The following BCR variants were observed in gnomAD, a reference collection of about 807,000 sequenced individuals.
BCR encodes the protein BCR activator of RhoGEF and GTPase.
Under a neutral mutation model 138.6 loss-of-function variants are expected in BCR, and 58 were observed. The observed-to-expected ratio is 0.42, with a 90% CI of 0.34 to 0.52. The LOEUF (loss-of-function observed/expected upper bound fraction) is 0.52. Ranked by LOEUF, BCR falls within the 20% of genes least tolerant of loss-of-function variation. The probability of loss-of-function intolerance (pLI) is 0.06; values close to 1 mark genes in which losing one functional copy is unlikely to be tolerated. For missense variants in BCR, 1,599 were observed against 1,727.2 expected (o/e 0.93, Z 1.32); for synonymous variants, 786 against 730.1 (o/e 1.08, Z -1.23).
chr22:23,295,186 C>T (rs760051744), intron 16 of BCR, 31 bp downstream of exon 16: 34 of 1,584,236 alleles, frequency 2.1e-5, no homozygotes, highest in Non-Finnish European at 2.8e-5. Context: ...CTCCCCTGCC[C>T]GATGCATGGC....
At chr22:23,310,020 G>C (rs1328525726) in intron 17 of BCR, 1 of 421,306 alleles carries the variant, frequency 2.4e-6, no homozygotes, top group African/African-American at 2.0e-5. Context: ...TGGAACCCAA[G>C]AGTTCGATTA....
chr22:23,268,217 G>A (rs1430410498), intron 4 of BCR, among the ~76,000 whole-genome samples, 191 bp from the exon 5 acceptor site: 3 of 152,162 alleles, frequency 2.0e-5, no homozygotes, highest in Non-Finnish European at 2.9e-5. Flanking sequence ...TTTTGGGAGC[G>A]GGAAGTGTGC....
chr22:23,264,375 C>T lies in BCR; in HGVS notation c.1752+2835C>T, dbSNP rs953948042. 12 of 888,384 alleles carry T rather than the reference C, an allele frequency of 1.4e-5. No individual in the cohort carries two copies. The Admixed American group carries it at 2.1e-4, about 15-fold the overall frequency. The allele number at this position is 888,384 out of a possible 1,614,324, so 55.0% of individuals were successfully genotyped here. A position where few individuals can be genotyped will look rare whatever the true frequency, so the allele number is the denominator to read the frequency against. On this transcript the variant is annotated intron_variant, in intron 4 of 22. Transcript: ENST00000305877. ...AAACCCGTGACCGTCAGGGCCACCC[C>T]TGCCTGTGGGCCAAGGAGACCAGTG... is the stretch of plus-strand genomic sequence containing the variant.
intron 2 of BCR, among the ~76,000 whole-genome samples, chr22:23,256,300 G>A (rs866779694): frequency 6.6e-6 from 1 of 152,134 alleles, no homozygotes; most frequent in Non-Finnish European, 1.5e-5. Flanking sequence ...TCTTTGGGGT[G>A]TCAGTGGACT....
At chr22:23,265,302 G>A (rs577281976) in intron 4 of BCR, among the ~76,000 whole-genome samples, 2 of 152,358 alleles carry the variant, frequency 1.3e-5, no homozygotes, top group South Asian at 4.1e-4. Flanking sequence ...GAGTACTCAC[G>A]TGTGTTCAAC....
rs774025603 is a variant in BCR at position 23,268,359 on chromosome 22, G to T, written c.1753-49G>T. 10 of 1,451,514 alleles carry T rather than the reference G, an allele frequency of 6.9e-6. No homozygotes were observed. The South Asian group carries it at 8.6e-5, about 12-fold the overall frequency. The allele number at this position is 1,451,514 out of a possible 1,614,324, so 89.9% of individuals were successfully genotyped here. ...ACGGGAGCCTGCTCTTCAGAAAGAT[G>T]GGGGAGCAGCAGCACCTGTCCCACT... is the stretch of plus-strand genomic sequence containing the variant. On this transcript the variant is annotated intron_variant, in intron 4 of 22. Transcript: ENST00000305877.
At position 23,191,503 on chromosome 22, in the gene BCR, G is replaced by T. The variant is rs371131035; in HGVS notation, c.1279+9264G>T. On this transcript the variant is annotated intron_variant, in intron 1 of 22. Coordinates refer to ENST00000305877, the MANE Select transcript of BCR (RefSeq NM_004327.4). ...CTAATGTCAAAGCATTTTCCCCTGC[G>T]TATCTTTCTTTAACGGTATATTTGC... Among the ~76,000 whole-genome samples the T allele has an allele frequency of 3.3e-5, 5 of 152,206 alleles. No individual in the cohort carries two copies. In the South Asian group the frequency reaches 1.0e-3, roughly 32 times the overall value.
chr22:23,284,021 G>A lies in BCR; in HGVS notation c.2160G>A (p.Glu720=), dbSNP rs1374025188. Residue 720 remains glutamate (E), a synonymous_variant, in exon 9 of 23, where the codon GAG becomes GAA. Transcript: ENST00000305877. ...LKDSFMVELV[E]GARKLRHVFL... Reference sequence around the variant, plus strand: ...ACAGCTTCATGGTGGAGCTGGTGGAGGGGGCCCGCAAGCTGCGCCACGTCT... The same window carrying A: ...ACAGCTTCATGGTGGAGCTGGTGGAAGGGGCCCGCAAGCTGCGCCACGTCT... The A allele has an allele frequency of 6.2e-7, 1 of 1,604,470 alleles. No homozygotes were observed.
intron 1 of BCR, among the ~76,000 whole-genome samples, chr22:23,237,814 A>G (rs1239374958): frequency 6.6e-6 from 1 of 152,248 alleles, no homozygotes; most frequent in Non-Finnish European, 1.5e-5. Context: ...TGGCCTGAGC[A>G]GATACATGGC....
At position 23,248,858 on chromosome 22, in the gene BCR, G is replaced by A. The variant is rs181919428; in HGVS notation, c.1280-4941G>A. On this transcript the variant is annotated intron_variant, in intron 1 of 22. Transcript: ENST00000305877. ...AGACCATCAACCTCAGTCCTGCCAA[G>A]GGTGAGGCGGCCCAGAGAGGTTTTT... Among the ~76,000 whole-genome samples the A allele has an allele frequency of 1.1e-3, 160 of 152,324 alleles. 1 individual carries two copies. Among genetic ancestry groups the A allele is most frequent in the African/African-American group, 3.5e-3 (144 of 41,570 alleles).
At chr22:23,220,083 G>A (rs1006809543) in intron 1 of BCR, among the ~76,000 whole-genome samples, 1 of 152,210 alleles carries the variant, frequency 6.6e-6, no homozygotes, top group Non-Finnish European at 1.5e-5. Context: ...CCTGCCCTTT[G>A]AGGCTGTGTG....
At chr22:23,215,327 G>A (rs577130231) in intron 1 of BCR, among the ~76,000 whole-genome samples, 29 of 152,306 alleles carry the variant, frequency 1.9e-4, no homozygotes, top group African/African-American at 7.0e-4. Flanking sequence ...TTGCAAACAG[G>A]TCTGTCTTGC....
In BCR at chr22:23,283,645, T is replaced by G. The variant is rs147990992; in HGVS notation, c.2116-332T>G. ...CCCATCACCCATCTTCACAGCAGAC[T>G]GTTTGCTTGGCTGTGTGCCCCTTCA... On this transcript the variant is annotated intron_variant, in intron 8 of 22. Coordinates refer to ENST00000305877, the MANE Select transcript of BCR (RefSeq NM_004327.4). The G allele has an allele frequency of 1.3e-3, 304 of 229,880 alleles. 1 individual carries two copies. Among genetic ancestry groups the G allele is most frequent in the African/African-American group, 6.6e-3 (286 of 43,404 alleles). 14.2% of individuals were successfully genotyped at this position (229,880 alleles called of 1,614,324 possible).
intron 1 of BCR, among the ~76,000 whole-genome samples, chr22:23,211,052 C>T (rs2072675720): frequency 6.6e-6 from 1 of 152,210 alleles, no homozygotes; most frequent in Admixed American, 6.5e-5. Flanking sequence ...CCTATTAGCA[C>T]TCTCTCCCCA....
At chr22:23,263,922 C>T (rs2146279350) in intron 4 of BCR, 2 of 926,006 alleles carry the variant, frequency 2.2e-6, no homozygotes, top group African/African-American at 1.6e-5. Context: ...TTGTTGTGGG[C>T]ACTTCTCACC....
chr22:23,240,543 C>G (rs991492677), intron 1 of BCR, among the ~76,000 whole-genome samples: 1 of 151,494 alleles, frequency 6.6e-6, no homozygotes, highest in South Asian at 2.1e-4. Flanking sequence ...TCCAGCTAAT[C>G]GGGAGGCTGA....
chr22:23,213,587 C>T (rs1602021334), intron 1 of BCR, among the ~76,000 whole-genome samples: 1 of 152,156 alleles, frequency 6.6e-6, no homozygotes, highest in Non-Finnish European at 1.5e-5. Context: ...CTTTGGGAGG[C>T]CAAGGTGGGA....
At chr22:23,268,141 G>A (rs574013669) in intron 4 of BCR, among the ~76,000 whole-genome samples, 32 of 152,326 alleles carry the variant, frequency 2.1e-4, no homozygotes, top group Middle Eastern at 3.4e-3. Flanking sequence ...TGGGGTGGGA[G>A]GAATAAGTAG....
At chr22:23,264,626 T>C (rs1257636372) in intron 4 of BCR, 1 of 296,576 alleles carries the variant, frequency 3.4e-6, no homozygotes, top group Non-Finnish European at 6.4e-6. Flanking sequence ...GCGACTCTGT[T>C]TGGCCAGAGC....
Sources: allele counts gnomAD v4.1 joint callset (sites outside exome capture counted in the v4.1 genomes callset), GRCh38; gene constraint gnomAD v4.1.1; transcripts MANE v1.5; gene names NCBI Gene and HGNC (gene_info 2026-07-23, HGNC 2026-07-21).